The following CACNG3 variants were observed in gnomAD, a reference collection of about 807,000 sequenced individuals.
CACNG3 encodes the protein calcium voltage-gated channel auxiliary subunit gamma 3.
Under a neutral mutation model 28.5 loss-of-function variants are expected in CACNG3, and 3 were observed. That is an observed-to-expected ratio of 0.11 (90% confidence interval 0.05 to 0.27). The LOEUF (loss-of-function observed/expected upper bound fraction) is 0.27. Ranked by LOEUF, CACNG3 falls within the 10% of genes least tolerant of loss-of-function variation. The pLI, the probability that CACNG3 is intolerant of heterozygous loss-of-function variation, is 1.00. For synonymous variants in CACNG3, 174 were observed against 162.2 expected (o/e 1.07, Z -0.55); for missense variants, 236 against 414.4 (o/e 0.57, Z 3.74).
chr16:24,278,234 G>A (rs1003430678), intron 1 of CACNG3, among the ~76,000 whole-genome samples: 14 of 152,154 alleles, frequency 9.2e-5, no homozygotes, highest in African/African-American at 3.4e-4. Context: ...GTGAATAAGA[G>A]CTTCCAATAA....
chr16:24,351,609 GGGGAA>G (rs1485998508), intron 2 of CACNG3, among the ~76,000 whole-genome samples: 3 of 123,790 alleles, frequency 2.4e-5, no homozygotes, highest in African/African-American at 9.6e-5. Context: ...GGAAGGGGAA[GGGGAA>G]GGGGAAGGAG....
intron 1 of CACNG3, among the ~76,000 whole-genome samples, chr16:24,257,369 GAGAGAGAGAGAGAGAGAGAGAGAGAGA>G (rs1463276923): frequency 5.1e-5 from 1 of 19,646 alleles, no homozygotes; most frequent in African/African-American, 1.7e-4. Flanking sequence ...AGTGAGGGGG[GAGAGAGAGAGAGAGAGAGAGAGAGAGA>G]GAGAGAGAGA....
intron 1 of CACNG3, among the ~76,000 whole-genome samples, chr16:24,318,038 G>A (rs1225807763): frequency 6.6e-6 from 1 of 152,200 alleles, no homozygotes; most frequent in Non-Finnish European, 1.5e-5. Context: ...ACCTCCCACT[G>A]TGACAGGCTA....
intron 1 of CACNG3, among the ~76,000 whole-genome samples, chr16:24,337,054 T>G (rs1426312292): frequency 1.3e-5 from 2 of 152,018 alleles, no homozygotes; most frequent in African/African-American, 4.8e-5. Context: ...GCTCAATAGA[T>G]CCTCCTGCCT....
chr16:24,306,033 GA>G (rs952984053), intron 1 of CACNG3, among the ~76,000 whole-genome samples: 15 of 152,088 alleles, frequency 9.9e-5, no homozygotes, highest in African/African-American at 3.4e-4. Context: ...GCCTCCTTCA[GA>G]TCCAAGGCAA....
At chr16:24,343,446 A>T (rs1396662215) in intron 1 of CACNG3, among the ~76,000 whole-genome samples, 3 of 152,160 alleles carry the variant, frequency 2.0e-5, no homozygotes, top group Non-Finnish European at 4.4e-5. Flanking sequence ...GCAAATAATG[A>T]GGAGTACGGA....
chr16:24,346,919 A>G, intron 2 of CACNG3, 102 bp downstream of exon 2: 1 of 884,046 alleles, frequency 1.1e-6, no homozygotes, highest in Non-Finnish European at 1.9e-6. Context: ...CTGTCCCTAG[A>G]AATAGATAAG....
intron 1 of CACNG3, among the ~76,000 whole-genome samples, chr16:24,322,756 T>C (rs1899482253): frequency 6.6e-6 from 1 of 152,166 alleles, no homozygotes; most frequent in Non-Finnish European, 1.5e-5. Flanking sequence ...GACATATCTA[T>C]ATTCATGTCT....
At chr16:24,351,700 G>A (rs148946676) in intron 2 of CACNG3, among the ~76,000 whole-genome samples, 3 of 75,228 alleles carry the variant, frequency 4.0e-5, no homozygotes, top group African/African-American at 6.8e-5. Flanking sequence ...GAAAGAAAGA[G>A]AAAGAAAGAA....
chr16:24,345,423 G>A (rs889566224), intron 1 of CACNG3, among the ~76,000 whole-genome samples: 11 of 152,126 alleles, frequency 7.2e-5, no homozygotes, highest in Admixed American at 2.6e-4. Flanking sequence ...CACCTCAGCC[G>A]GGCAAGGTGG....
chr16:24,270,390 T>C (rs1898670990), intron 1 of CACNG3, among the ~76,000 whole-genome samples: 2 of 152,244 alleles, frequency 1.3e-5, no homozygotes, highest in Non-Finnish European at 2.9e-5. Context: ...TCTTGATTTT[T>C]CAAAATGTTA....
At chr16:24,285,482 C>G (rs963598018) in intron 1 of CACNG3, among the ~76,000 whole-genome samples, 4 of 152,052 alleles carry the variant, frequency 2.6e-5, no homozygotes, top group Admixed American at 2.6e-4. Context: ...CCTTTCCTAC[C>G]CTCAAAACGT....
rs1900087308 is a variant in CACNG3 at position 24,360,183 on chromosome 16, A to T, written c.437-1169A>T. Among the ~76,000 whole-genome samples, 3 of 152,144 alleles carry T rather than the reference A, an allele frequency of 2.0e-5. No homozygotes were observed. In the South Asian group the frequency reaches 6.2e-4, roughly 32 times the overall value. On this transcript the variant is annotated intron_variant, in intron 3 of 3. Coordinates refer to ENST00000005284, the MANE Select transcript of CACNG3 (RefSeq NM_006539.4). Reference sequence around the variant, plus strand: ...GAGGCAAAGAGATGCCAGCTGGTGTACCAACAACCTCCATGAGTCATTGTT... The same window carrying T: ...GAGGCAAAGAGATGCCAGCTGGTGTTCCAACAACCTCCATGAGTCATTGTT...
intron 1 of CACNG3, among the ~76,000 whole-genome samples, chr16:24,296,307 C>T (rs1488483316): frequency 6.6e-6 from 1 of 152,220 alleles, no homozygotes; most frequent in Non-Finnish European, 1.5e-5. Flanking sequence ...TCTTGTTCTC[C>T]TTCTGTAAAT....
intron 1 of CACNG3, among the ~76,000 whole-genome samples, chr16:24,339,348 A>C (rs542769200): frequency 6.9e-6 from 1 of 145,694 alleles, no homozygotes; most frequent in Non-Finnish European, 1.5e-5. Context: ...CATTCATTCT[A>C]CTGTGTTTTC....
chr16:24,326,309 T>C (rs1337825972), intron 1 of CACNG3, among the ~76,000 whole-genome samples: 3 of 152,216 alleles, frequency 2.0e-5, no homozygotes, highest in East Asian at 3.9e-4. Flanking sequence ...GTAGCTGGGA[T>C]TACAGGCATG....
At chr16:24,301,544 A>G (rs1323821852) in intron 1 of CACNG3, among the ~76,000 whole-genome samples, 2 of 152,176 alleles carry the variant, frequency 1.3e-5, no homozygotes, top group African/African-American at 4.8e-5. Flanking sequence ...CAGGCAGGAA[A>G]GGACTTCAGC....
intron 1 of CACNG3, among the ~76,000 whole-genome samples, chr16:24,273,476 A>T (rs780296280): frequency 1.3e-5 from 2 of 152,098 alleles, no homozygotes; most frequent in Non-Finnish European, 2.9e-5. Context: ...ACTTCCATCT[A>T]CCCATGCCTG....
chr16:24,309,724 A>C (rs1317617703), intron 1 of CACNG3, among the ~76,000 whole-genome samples: 2 of 152,200 alleles, frequency 1.3e-5, no homozygotes, highest in Non-Finnish European at 2.9e-5. Context: ...ATGGGACGGC[A>C]GAGAGGGCCT....
Sources: allele counts gnomAD v4.1 joint callset (sites outside exome capture counted in the v4.1 genomes callset), GRCh38; gene constraint gnomAD v4.1.1; transcripts MANE v1.5; gene names NCBI Gene and HGNC (gene_info 2026-07-23, HGNC 2026-07-21).